The following LAMA2 variants were observed in gnomAD, a reference collection of about 807,000 sequenced individuals.
The protein encoded by LAMA2 is laminin subunit alpha-2.
A neutral mutation model predicts 364.8 loss-of-function variants in LAMA2; 269 were observed. The observed-to-expected ratio is 0.74, with a 90% confidence interval of 0.67 to 0.82. LAMA2 has a LOEUF of 0.82. Among genes scored for constraint, LAMA2 ranks in the 40% least tolerant of loss-of-function variants. The probability of loss-of-function intolerance (pLI) is 0.00; values close to 1 mark genes in which losing one functional copy is unlikely to be tolerated. For missense variants in LAMA2, 3,807 were observed against 3,873.2 expected, an observed-to-expected ratio of 0.98 and a Z score of 0.45; for synonymous variants, 1,379 against 1,370.6, an observed-to-expected ratio of 1.01 and a Z score of -0.14.
intron 9 of LAMA2, among the ~76,000 whole-genome samples, chr6:129,166,471 C>T (rs888277423): frequency 6.6e-6 from 1 of 152,166 alleles, no homozygotes; most frequent in South Asian, 2.1e-4. Context: ...ATTCTTGTTA[C>T]CTGCTTTCTT....
At position 129,315,653 on chromosome 6, in the gene LAMA2, A is replaced by T; in HGVS notation, c.3733A>T (p.Lys1245Ter). The change falls in exon 25 of 65, where the codon AAG (lysine) becomes TAG (stop). Residue 1245 changes from lysine (K) to a stop codon, truncating the protein, a stop_gained and splice_region_variant. Transcript: ENST00000421865. LOFTEE classifies it high-confidence loss of function. The stretch of plus-strand genomic sequence containing the variant: ...ACTTCCAGAACAATTTGAAGGAAAG[A>T]AGGTAAGCACAAGAACTTTAATGTC... ...WKLPEQFEGKKLMAYGGKLKY... is the reference protein window; with the variant it reads ...WKLPEQFEGK 6.2e-7 allele frequency: 1 copy of T among 1,614,056 alleles called. No individual in the cohort carries two copies.
In LAMA2 at chr6:129,516,358, T is replaced by TGTAAC; in HGVS notation, c.*12_*16dup. 6.2e-7 allele frequency: 1 copy of TGTAAC among 1,613,268 alleles called. No homozygotes were observed. The highest frequency in any genetic ancestry group is 1.7e-5 in the Admixed American group (1 of 59,946). ...TGCCCAGCCAACTAATAAAAATAAG[T>TGTAAC]GTAACCCCAGGAAGAGTCTGTCAAA... On this transcript the variant is annotated 3_prime_UTR_variant, in exon 65 of 65. Transcript: ENST00000421865.
chr6:129,203,208 G>T (rs1024087716), intron 12 of LAMA2, among the ~76,000 whole-genome samples: 2 of 152,328 alleles, frequency 1.3e-5, no homozygotes, highest in Admixed American at 1.3e-4. Context: ...ATTTGAAAGT[G>T]TTTCAATAAA....
chr6:129,069,644 G>A (rs1243373618), intron 3 of LAMA2, among the ~76,000 whole-genome samples: 2 of 148,610 alleles, frequency 1.3e-5, no homozygotes, highest in African/African-American at 2.4e-5. Flanking sequence ...GAGAGGGTAT[G>A]AGGAAAGTTT....
intron 1 of LAMA2, among the ~76,000 whole-genome samples, chr6:128,993,623 G>T (rs1342648284): frequency 6.6e-6 from 1 of 152,102 alleles, no homozygotes; most frequent in Non-Finnish European, 1.5e-5. Flanking sequence ...TGGTATATGA[G>T]AGAAAATATG....
intron 59 of LAMA2, 99 bp downstream of exon 59, chr6:129,502,870 A>C: frequency 1.1e-6 from 1 of 914,694 alleles, no homozygotes; most frequent in South Asian, 1.4e-5. Flanking sequence ...TAATTAATGA[A>C]GTTAGCTTTT....
intron 60 of LAMA2, 63 bp downstream of exon 60, chr6:129,503,343 T>G: frequency 6.8e-7 from 1 of 1,462,410 alleles, no homozygotes; most frequent in Non-Finnish European, 9.5e-7. Context: ...CCATCAGCAT[T>G]CTCCTGGTGC....
chr6:129,163,238 T>C (rs1162542624), intron 8 of LAMA2, among the ~76,000 whole-genome samples: 4 of 152,188 alleles, frequency 2.6e-5, no homozygotes, highest in South Asian at 2.1e-4. Context: ...GCTAAGTAAT[T>C]TTTTTTCTTT....
chr6:129,484,138 C>T (rs1290229627), intron 55 of LAMA2, among the ~76,000 whole-genome samples: 3 of 152,122 alleles, frequency 2.0e-5, no homozygotes, highest in Admixed American at 6.5e-5. Context: ...CAACACAAAA[C>T]ACAAGCCTCA....
chr6:129,372,568 C>T (rs1296321433), intron 34 of LAMA2, among the ~76,000 whole-genome samples: 4 of 152,204 alleles, frequency 2.6e-5, no homozygotes, highest in African/African-American at 7.2e-5. Flanking sequence ...ATCTTGGTTG[C>T]TTCCAAATTT....
At chr6:129,254,030 G>C (rs1470341064) in intron 14 of LAMA2, among the ~76,000 whole-genome samples, 1 of 152,178 alleles carries the variant, frequency 6.6e-6, no homozygotes, top group Non-Finnish European at 1.5e-5. Flanking sequence ...CAGTAAGCTT[G>C]TTATATTTTA....
chr6:129,229,662 G>A (rs2115125185), intron 12 of LAMA2, among the ~76,000 whole-genome samples: 1 of 152,010 alleles, frequency 6.6e-6, no homozygotes, highest in African/African-American at 2.4e-5. Context: ...TGAAGTCTTG[G>A]ACCACAGTGA....
At chr6:129,187,748 A>G (rs936245838) in intron 10 of LAMA2, among the ~76,000 whole-genome samples, 7 of 151,850 alleles carry the variant, frequency 4.6e-5, no homozygotes, top group Non-Finnish European at 1.0e-4. Flanking sequence ...GATCATTCCT[A>G]ATCAGAAAAT....
At chr6:129,237,424 C>T (rs544001450) in intron 12 of LAMA2, among the ~76,000 whole-genome samples, 1 of 151,752 alleles carries the variant, frequency 6.6e-6, no homozygotes, top group Admixed American at 6.6e-5. Context: ...GCAACCTCCA[C>T]CTCCCGGGTT....
chr6:129,445,149 T>C (rs927388006), intron 44 of LAMA2, among the ~76,000 whole-genome samples: 2 of 151,772 alleles, frequency 1.3e-5, no homozygotes, highest in African/African-American at 4.8e-5. Context: ...AGTCTAAGGG[T>C]TTTTCAACAT....
At chr6:129,144,708 C>G (rs1385519559) in intron 5 of LAMA2, among the ~76,000 whole-genome samples, 1 of 151,912 alleles carries the variant, frequency 6.6e-6, no homozygotes, top group Non-Finnish European at 1.5e-5. Flanking sequence ...GAATCACAAG[C>G]CATAGTTTTA....
intron 12 of LAMA2, among the ~76,000 whole-genome samples, chr6:129,219,916 A>T (rs930803496): frequency 6.6e-6 from 1 of 151,466 alleles, no homozygotes; most frequent in Non-Finnish European, 1.5e-5. Flanking sequence ...ACATGTATAC[A>T]TATGTAACTA....
At chr6:129,428,627 T>C (rs1379919473) in intron 41 of LAMA2, among the ~76,000 whole-genome samples, 2 of 151,970 alleles carry the variant, frequency 1.3e-5, no homozygotes, top group Non-Finnish European at 2.9e-5. Context: ...GCATTTTGAG[T>C]AGAGACAGGG....
intron 40 of LAMA2, among the ~76,000 whole-genome samples, chr6:129,422,140 CA>C (rs974723818): frequency 3.2e-4 from 49 of 152,206 alleles, no homozygotes; most frequent in African/African-American, 1.1e-3. Context: ...ATCCACACAT[CA>C]AAAGTCCCTG....
Sources: allele counts gnomAD v4.1 joint callset (sites outside exome capture counted in the v4.1 genomes callset), GRCh38; gene constraint gnomAD v4.1.1; transcripts MANE v1.5; gene names NCBI Gene and HGNC (gene_info 2026-07-23, HGNC 2026-07-21).